Variants in KCNH8 observed in about 807,000 individuals in gnomAD.
KCNH8 encodes voltage-gated delayed rectifier potassium channel KCNH8.
KCNH8 carries 70 observed loss-of-function variants against 103.6 expected under a neutral mutation model. That is an observed-to-expected ratio of 0.68 (90% CI 0.56 to 0.82). The LOEUF (loss-of-function observed/expected upper bound fraction) is 0.82. Among genes scored for constraint, KCNH8 ranks in the 40% least tolerant of loss-of-function variants. The probability of loss-of-function intolerance (pLI) is 0.00; values close to 1 mark genes in which losing one functional copy is unlikely to be tolerated. For synonymous variants in KCNH8, 498 were observed against 489.4 expected (o/e 1.02, Z -0.23); for missense variants, 1,217 against 1,329.9 (o/e 0.92, Z 1.32).
At chr3:19,152,513 A>G (rs531081441) in intron 1 of KCNH8, among the ~76,000 whole-genome samples, 1 of 152,342 alleles carries the variant, frequency 6.6e-6, no homozygotes, top group South Asian at 2.1e-4. Context: ...GGAAGTTTGT[A>G]GCCCAGTGGA....
At chr3:19,515,283 A>G (rs755974035) in intron 13 of KCNH8, 39 bp from the exon 14 acceptor site, 9 of 1,112,288 alleles carry the variant, frequency 8.1e-6, no homozygotes, top group Admixed American at 2.1e-5. Flanking sequence ...ATCCATGAAT[A>G]TGAATCCACA....
chr3:19,165,770 C>T (rs2063277187), intron 1 of KCNH8, among the ~76,000 whole-genome samples: 1 of 152,094 alleles, frequency 6.6e-6, no homozygotes, highest in Non-Finnish European at 1.5e-5. Context: ...GTAATCTAAT[C>T]CAAGTTGGGC....
intron 1 of KCNH8, among the ~76,000 whole-genome samples, chr3:19,232,331 G>C (rs1238699191): frequency 6.6e-6 from 1 of 152,130 alleles, no homozygotes; most frequent in Non-Finnish European, 1.5e-5. Flanking sequence ...AGAATCTGGA[G>C]AAAATCCCTC....
intron 1 of KCNH8, among the ~76,000 whole-genome samples, chr3:19,219,615 A>C (rs543428315): frequency 6.6e-6 from 1 of 152,372 alleles, no homozygotes; most frequent in South Asian, 2.1e-4. Flanking sequence ...TGCACACTGC[A>C]ACATGGCTTT....
intron 1 of KCNH8, among the ~76,000 whole-genome samples, chr3:19,175,607 CTAAA>C (rs2063392185): frequency 2.0e-5 from 3 of 152,132 alleles, no homozygotes. Flanking sequence ...TTTTATGAGA[CTAAA>C]TAGTTAAAAT....
intron 5 of KCNH8, among the ~76,000 whole-genome samples, chr3:19,380,671 C>T (rs1490692335): frequency 1.3e-5 from 2 of 152,212 alleles, no homozygotes; most frequent in Admixed American, 1.3e-4. Flanking sequence ...TTTTGCTTCC[C>T]AACTTGCCTT....
intron 8 of KCNH8, among the ~76,000 whole-genome samples, chr3:19,440,497 A>G (rs1311477235): frequency 6.6e-6 from 1 of 152,200 alleles, no homozygotes; most frequent in African/African-American, 2.4e-5. Flanking sequence ...GGTGGCAGGC[A>G]AGAGAGCACG....
intron 11 of KCNH8, among the ~76,000 whole-genome samples, chr3:19,493,264 G>A (rs1237549148): frequency 6.6e-6 from 1 of 152,046 alleles, no homozygotes; most frequent in Non-Finnish European, 1.5e-5. Flanking sequence ...ATGTTGAACA[G>A]GAACGGGGAG....
intron 1 of KCNH8, among the ~76,000 whole-genome samples, chr3:19,158,318 A>G (rs958894228): frequency 2.6e-5 from 4 of 151,630 alleles, no homozygotes; most frequent in South Asian, 2.1e-4. Context: ...ATATTAACTG[A>G]TCTTTTTCTG....
intron 11 of KCNH8, among the ~76,000 whole-genome samples, chr3:19,469,021 T>C (rs1009921280): frequency 6.6e-6 from 1 of 152,222 alleles, no homozygotes; most frequent in African/African-American, 2.4e-5. Flanking sequence ...TTGAAAATGA[T>C]TTATTGAATA....
Position 19,533,671 on chromosome 3 carries a change from G to T in KCNH8, c.2896G>T (p.Val966Leu). The change falls in exon 16 of 16, where the codon GTG becomes TTG. Residue 966 changes from valine to leucine, a missense_variant. This residue lies in a region of KCNH8 where 558 missense variants were observed against 495.8 expected (regional missense o/e 1.13). Transcript: ENST00000328405. The stretch of plus-strand genomic sequence containing the variant: ...CATTTGGAGTGTGGATCCCTCCTCT[G>T]TGGGGAGCAGCCCCCAACGAACTGG... ...SDIWSVDPSS[V>L]GSSPQRTGAH... The T allele has an allele frequency of 6.2e-7, 1 of 1,614,040 alleles. No homozygotes were observed. Among genetic ancestry groups the T allele is most frequent in the Non-Finnish European group, 8.5e-7 (1 of 1,179,978 alleles).
At chr3:19,216,680 G>A (rs890598209) in intron 1 of KCNH8, among the ~76,000 whole-genome samples, 2 of 152,126 alleles carry the variant, frequency 1.3e-5, no homozygotes, top group African/African-American at 4.8e-5. Flanking sequence ...CCTTTCCCCA[G>A]TGGAAATGTG....
chr3:19,412,070 A>C (rs1274346091), intron 7 of KCNH8, among the ~76,000 whole-genome samples: 1 of 152,100 alleles, frequency 6.6e-6, no homozygotes, highest in African/African-American at 2.4e-5. Flanking sequence ...ACCAAAAAAG[A>C]GTACAAACAG....
chr3:19,284,365 G>A (rs1270252990), intron 3 of KCNH8, among the ~76,000 whole-genome samples: 1 of 152,006 alleles, frequency 6.6e-6, no homozygotes, highest in Non-Finnish European at 1.5e-5. Flanking sequence ...ATTTAAATGA[G>A]GAAGAACCTG....
Position 19,251,665 on chromosome 3 carries a change from A to G in KCNH8, c.77-1989A>G, listed in dbSNP as rs558993861. On this transcript the variant is annotated intron_variant, in intron 1 of 15. Transcript: ENST00000328405. ...TACCTTCTTTCCCATGGCAGGAAAG[A>G]TAGTCTGTCTGCTGCAAACCTCATT... Among the ~76,000 whole-genome samples, 9 of 152,246 alleles carry G rather than the reference A, an allele frequency of 5.9e-5. No homozygotes were observed. In the East Asian group the frequency reaches 1.4e-3, roughly 23 times the overall value.
chr3:19,487,889 G>C (rs1465882102), intron 11 of KCNH8, among the ~76,000 whole-genome samples: 1 of 152,132 alleles, frequency 6.6e-6, no homozygotes, highest in African/African-American at 2.4e-5. Flanking sequence ...GCAGGTCCGT[G>C]GTAGACAGAA....
At chr3:19,453,907 A>G (rs1180896486) in intron 10 of KCNH8, among the ~76,000 whole-genome samples, 1 of 152,162 alleles carries the variant, frequency 6.6e-6, no homozygotes, top group African/African-American at 2.4e-5. Context: ...ACACTAGTGA[A>G]TGATGAAAGA....
chr3:19,403,395 TA>T, intron 7 of KCNH8, among the ~76,000 whole-genome samples: 2 of 109,246 alleles, frequency 1.8e-5, no homozygotes, highest in South Asian at 5.9e-4. Flanking sequence ...TATATATATA[TA>T]TATAAAATCC....
Position 19,444,693 on chromosome 3 carries a change from A to C in KCNH8, c.1376-5413A>C, listed in dbSNP as rs546447486. Reference sequence around the variant, plus strand: ...TGAAATGGGCAAAAGCTTGAAAAAAACACCTCAGAAGTAGATTTCCAATAC... The same window carrying C: ...TGAAATGGGCAAAAGCTTGAAAAAACCACCTCAGAAGTAGATTTCCAATAC... On this transcript the variant is annotated intron_variant, in intron 8 of 15. Coordinates refer to ENST00000328405, the MANE Select transcript of KCNH8 (RefSeq NM_144633.3). 5.9e-5 allele frequency among the ~76,000 whole-genome samples: 9 copies of C among 152,134 alleles called. No homozygotes were observed. In the East Asian group the frequency reaches 1.7e-3, roughly 29 times the overall value.
Sources: gnomAD v4.1 joint callset for allele counts (sites outside exome capture counted in the v4.1 genomes callset) on GRCh38, gnomAD v4.1.1 for gene constraint, gnomAD v4.1.1 regional missense constraint, MANE v1.5 for transcripts, NCBI Gene and HGNC (gene_info 2026-07-23, HGNC 2026-07-21) for gene names.